PYGB: variants seen among roughly 807,000 people sequenced by gnomAD.
PYGB encodes glycogen phosphorylase, brain form.
Under a neutral mutation model 94.3 loss-of-function variants are expected in PYGB, and 82 were observed. That is an observed-to-expected ratio of 0.87 (90% CI 0.73 to 1.04). The LOEUF (loss-of-function observed/expected upper bound fraction) is 1.04, where lower values mean the gene tolerates loss of function less well. PYGB is among the 50% of genes least tolerant of loss of function. The pLI is 0.00. For missense variants in PYGB, 1,132 were observed against 1,158.2 expected (o/e 0.98, Z 0.33); for synonymous variants, 488 against 479.1 (o/e 1.02, Z -0.24).
intron 1 of PYGB, among the ~76,000 whole-genome samples, chr20:25,255,588 G>A (rs146350299): frequency 3.9e-5 from 6 of 152,344 alleles, no homozygotes; most frequent in East Asian, 3.9e-4. Context: ...AGTAGAGGGC[G>A]GCTGGTCTGA....
rs59991127 is a variant in PYGB, at chr20:25,294,321, TGGGA to T, written c.2312+49_2312+52del. Reference sequence around the variant, plus strand: ...GGACCGACTTCCCTGGTTGGGTGGCTGGGAGGGAGGGAGGGAGGGAGGGGTCCTC... The same window carrying T: ...GGACCGACTTCCCTGGTTGGGTGGCTGGGAGGGAGGGAGGGAGGGGTCCTC... On this transcript the variant is annotated intron_variant, in intron 18 of 19. Transcript: ENST00000216962. The T allele has an allele frequency of 4.3e-3, 1,389 of 326,174 alleles. 49 individuals are homozygous for T. Among genetic ancestry groups the T allele is most frequent in the East Asian group, 7.2e-3 (63 of 8,776 alleles). The allele number at this position is 326,174 out of a possible 1,614,324, so 20.2% of individuals were successfully genotyped here. A position where few individuals can be genotyped will look rare whatever the true frequency, so the allele number is the denominator to read the frequency against.
At chr20:25,274,847 GT>G in intron 5 of PYGB, 124 bp downstream of exon 5, 1 of 1,409,716 alleles carries the variant, frequency 7.1e-7, no homozygotes, top group Non-Finnish European at 9.5e-7. Flanking sequence ...AGGACTTAAG[GT>G]AAAAGCCGGG....
intron 2 of PYGB, among the ~76,000 whole-genome samples, chr20:25,265,545 A>G (rs1271511898): frequency 6.6e-6 from 1 of 150,748 alleles, no homozygotes; most frequent in East Asian, 1.9e-4. Context: ...AGCCTATTCA[A>G]TTCATTTACT....
chr20:25,290,336 C>A, intron 15 of PYGB, 145 bp from the exon 16 acceptor site: 1 of 1,035,950 alleles, frequency 9.7e-7, no homozygotes, highest in Non-Finnish European at 1.4e-6. Context: ...GGCCGGGGAG[C>A]CTCCCTAGCT....
intron 17 of PYGB, 85 bp from the exon 18 acceptor site, chr20:25,294,073 G>A: frequency 6.5e-7 from 1 of 1,548,370 alleles, no homozygotes; most frequent in Non-Finnish European, 8.7e-7. Context: ...TGGGGCAGGG[G>A]CTGTGCCAGG....
chr20:25,263,392 AACAT>A (rs1198854092), intron 2 of PYGB, among the ~76,000 whole-genome samples: 3 of 152,204 alleles, frequency 2.0e-5, no homozygotes, highest in Non-Finnish European at 4.4e-5. Context: ...AGCAAGAGCA[AACAT>A]TCAAAAGCTA....
intron 1 of PYGB, among the ~76,000 whole-genome samples, chr20:25,256,716 C>T (rs1383053872): frequency 2.0e-5 from 3 of 152,138 alleles, no homozygotes; most frequent in African/African-American, 4.8e-5. Context: ...CTCCAACCAG[C>T]GCTCCCTGAG....
chr20:25,261,724 A>C (rs1303211720), intron 2 of PYGB, among the ~76,000 whole-genome samples: 1 of 152,212 alleles, frequency 6.6e-6, no homozygotes, highest in African/African-American at 2.4e-5. Context: ...AGAAGCTAAA[A>C]ACCTTGAAAA....
intron 1 of PYGB, among the ~76,000 whole-genome samples, chr20:25,258,198 G>A (rs1234225310): frequency 2.0e-5 from 3 of 152,206 alleles, no homozygotes; most frequent in African/African-American, 7.2e-5. Context: ...CTTAAGTTAT[G>A]TATTAAAAAC....
At chr20:25,292,379 A>AT (rs1555808493) in intron 16 of PYGB, 27 bp from the exon 17 acceptor site, 1 of 1,610,036 alleles carries the variant, frequency 6.2e-7, no homozygotes, top group Admixed American at 1.7e-5. Context: ...CCTCACAGTG[A>AT]TCCCCTCCAC....
intron 1 of PYGB, among the ~76,000 whole-genome samples, chr20:25,248,675 G>T (rs991245768): frequency 7.3e-6 from 1 of 137,662 alleles, no homozygotes; most frequent in East Asian, 2.2e-4. Context: ...GCCGTCCCCC[G>T]CAGATGATGC....
intron 4 of PYGB, 110 bp from the exon 5 acceptor site, chr20:25,274,482 T>G (rs770679776): frequency 7.1e-7 from 1 of 1,401,748 alleles, no homozygotes; most frequent in Non-Finnish European, 9.4e-7. Flanking sequence ...TAGGTAAATT[T>G]CAGTGCCAGG....
chr20:25,264,510 G>C (rs1184988560), intron 2 of PYGB, among the ~76,000 whole-genome samples: 1 of 152,176 alleles, frequency 6.6e-6, no homozygotes, highest in Non-Finnish European at 1.5e-5. Flanking sequence ...TGACATATTT[G>C]TATATTTAGA....
chr20:25,284,458 TTAGACACC>T (rs1339811480), intron 14 of PYGB, among the ~76,000 whole-genome samples: 1 of 152,214 alleles, frequency 6.6e-6, no homozygotes, highest in Non-Finnish European at 1.5e-5. Context: ...AGGTGAACAG[TTAGACACC>T]CGAAAGGCCC....
At chr20:25,294,099 T>C (rs2088501628) in intron 17 of PYGB, 59 bp from the exon 18 acceptor site, 1 of 1,590,764 alleles carries the variant, frequency 6.3e-7, no homozygotes, top group South Asian at 1.1e-5. Flanking sequence ...ACATGGCTTG[T>C]TCTCCAAGGT....
At chr20:25,259,856 G>T (rs1279278318) in intron 2 of PYGB, among the ~76,000 whole-genome samples, 3 of 152,178 alleles carry the variant, frequency 2.0e-5, no homozygotes, top group Non-Finnish European at 4.4e-5. Context: ...TTCCTTTGTG[G>T]TTTTAGAGCA....
chr20:25,278,404 C>T lies in PYGB; in HGVS notation c.941C>T (p.Ser314Leu), dbSNP rs202127045. 19 of 1,613,872 alleles carry T rather than the reference C, an allele frequency of 1.2e-5. No individual in the cohort carries two copies. Among genetic ancestry groups the T allele is most frequent in the African/African-American group, 2.7e-5 (2 of 74,852 alleles). The change falls in exon 8 of 20, where the codon TCG (serine) becomes TTG (leucine). Residue 314 changes from serine (S) to leucine (L), a missense_variant. Ser to Leu is a moderately radical substitution (Grantham distance 145). Transcript: ENST00000216962. ...TLQDIIRRFK[S>L]SKFGCRDPVR... ...CAGGACATCATCCGCCGCTTCAAGT[C>T]GTCCAAGTTCGGCTGCCGGGACCCT... is the stretch of plus-strand genomic sequence containing the variant.
At chr20:25,279,867 T>C (rs1314997893) in intron 9 of PYGB, among the ~76,000 whole-genome samples, 2 of 152,206 alleles carry the variant, frequency 1.3e-5, no homozygotes, top group African/African-American at 4.8e-5. Flanking sequence ...CTGGCCAGCA[T>C]AGGGCAGGTC....
intron 18 of PYGB, 133 bp downstream of exon 18, chr20:25,294,425 T>G: frequency 8.5e-7 from 1 of 1,175,914 alleles, no homozygotes; most frequent in South Asian, 1.5e-5. Context: ...ACTGTGCCCA[T>G]GAGACCTTAC....
Sources: allele counts gnomAD v4.1 joint callset (sites outside exome capture counted in the v4.1 genomes callset), GRCh38; gene constraint gnomAD v4.1.1; transcripts MANE v1.5; gene names NCBI Gene and HGNC (gene_info 2026-07-23, HGNC 2026-07-21).